Variants in DDX46 observed in about 807,000 individuals in gnomAD.
The protein encoded by DDX46 is DEAD-box helicase 46.
Under a neutral mutation model 134.9 loss-of-function variants are expected in DDX46, and 30 were observed. The ratio of observed to expected loss-of-function variants is 0.22; its 90% confidence interval spans 0.17 to 0.30. The LOEUF (loss-of-function observed/expected upper bound fraction) is 0.30, where lower values mean the gene tolerates loss of function less well. Ranked by LOEUF, DDX46 falls within the 10% of genes least tolerant of loss-of-function variation. The probability of loss-of-function intolerance (pLI) is 1.00; values close to 1 mark genes in which losing one functional copy is unlikely to be tolerated. For synonymous variants in DDX46, 415 were observed against 404.1 expected (o/e 1.03, Z -0.32); for missense variants, 622 against 1,248.7 (o/e 0.50, Z 7.56).
intron 21 of DDX46, among the ~76,000 whole-genome samples, chr5:134,823,713 A>G (rs1755518483): frequency 1.3e-5 from 2 of 152,286 alleles, no homozygotes; most frequent in Middle Eastern, 3.4e-3. Context: ...TACATAGTGA[A>G]ATGGGGATTG....
rs999502605 is a variant in DDX46, at chr5:134,816,685, C to G, written c.2613+79C>G. On this transcript the variant is annotated intron_variant, in intron 19 of 22. Coordinates refer to ENST00000452510, the MANE Select transcript of DDX46 (RefSeq NM_001300860.2). ...TACTTTTCAGGAATTATGTTGAACA[C>G]AAGTAAACAAGTTGTCCTAGACATT... is the stretch of plus-strand genomic sequence containing the variant. 107 of 1,346,778 alleles carry G rather than the reference C, an allele frequency of 7.9e-5. No individual in the cohort carries two copies. In the South Asian group the frequency reaches 8.4e-4, roughly 11 times the overall value. The allele number at this position is 1,346,778 out of a possible 1,614,324, so 83.4% of individuals were successfully genotyped here.
intron 15 of DDX46, among the ~76,000 whole-genome samples, chr5:134,797,361 CTG>C (rs2150149669): frequency 6.6e-6 from 1 of 152,274 alleles, no homozygotes; most frequent in South Asian, 2.1e-4. Flanking sequence ...TATCTAGTCT[CTG>C]TTTCATGCTG....
intron 8 of DDX46, 99 bp from the exon 9 acceptor site, chr5:134,782,846 C>T: frequency 2.0e-6 from 3 of 1,463,600 alleles, no homozygotes; most frequent in Non-Finnish European, 2.8e-6. Flanking sequence ...CTGGGTCTGG[C>T]ATAAGAGTTA....
intron 21 of DDX46, 48 bp downstream of exon 21, chr5:134,819,052 A>C: frequency 6.3e-7 from 1 of 1,593,112 alleles, no homozygotes; most frequent in Non-Finnish European, 8.5e-7. Flanking sequence ...ATCAAGGTTG[A>C]TGTAGATGTA....
Position 134,818,853 on chromosome 5 carries a change from C to T in DDX46, c.2833-7C>T. On this transcript the variant is annotated splice_region_variant and splice_polypyrimidine_tract_variant and intron_variant, in intron 20 of 22. Transcript: ENST00000452510. ...GTGATTTTTCTTTTCCTTACCTTTT[C>T]TTTTAGACTGCTAGGTGGAAAGTTA... 1 of 1,600,948 alleles carries T rather than the reference C, an allele frequency of 6.2e-7. No homozygotes were observed. Among genetic ancestry groups the T allele is most frequent in the Non-Finnish European group, 8.5e-7 (1 of 1,175,322 alleles).
At position 134,781,977 on chromosome 5, in the gene DDX46, A is replaced by C; in HGVS notation, c.936A>C (p.Thr312=). 6.2e-7 allele frequency: 1 copy of C among 1,611,772 alleles called. No individual in the cohort carries two copies. Among genetic ancestry groups the C allele is most frequent in the South Asian group, 1.1e-5 (1 of 90,720 alleles). ...DLQTALTGYQ[T]KQRKLLEPVD... ...AGACAGCCCTTACAGGGTATCAAACAAAACAGCGAAAGCTTCTAGAACCAG... is the reference window on the plus strand; with the variant it reads ...AGACAGCCCTTACAGGGTATCAAACCAAACAGCGAAAGCTTCTAGAACCAG... Residue 312 remains threonine (T), a synonymous_variant, in exon 8 of 23, where the codon ACA becomes ACC. Transcript: ENST00000452510.
intron 18 of DDX46, among the ~76,000 whole-genome samples, chr5:134,813,791 A>T (rs1050892463): frequency 6.6e-6 from 1 of 151,738 alleles, no homozygotes; most frequent in Non-Finnish European, 1.5e-5. Context: ...TATATATTTT[A>T]AAATGTTTTT....
chr5:134,801,456 T>A (rs930479765), intron 15 of DDX46, among the ~76,000 whole-genome samples: 1 of 152,102 alleles, frequency 6.6e-6, no homozygotes, highest in Non-Finnish European at 1.5e-5. Flanking sequence ...ACAGTGGCAC[T>A]CTCTCAGCTT....
chr5:134,815,781 A>G (rs1051459287), intron 18 of DDX46, among the ~76,000 whole-genome samples: 2 of 151,494 alleles, frequency 1.3e-5, no homozygotes, highest in Non-Finnish European at 2.9e-5. Flanking sequence ...AAAGCAAAGC[A>G]TTCATCATTG....
At chr5:134,811,913 A>C (rs1370341312) in intron 18 of DDX46, 68 bp downstream of exon 18, 1 of 1,539,564 alleles carries the variant, frequency 6.5e-7, no homozygotes, top group African/African-American at 1.4e-5. Context: ...GTCTTGCCAT[A>C]TATGGTTATC....
At chr5:134,806,263 G>A (rs929927364) in intron 15 of DDX46, among the ~76,000 whole-genome samples, 2 of 151,870 alleles carry the variant, frequency 1.3e-5, no homozygotes, top group African/African-American at 4.8e-5. Context: ...AGAAGGGCTG[G>A]TTTACACCAA....
chr5:134,782,837 TG>T, intron 8 of DDX46, 107 bp from the exon 9 acceptor site: 1 of 1,395,244 alleles, frequency 7.2e-7, no homozygotes, highest in East Asian at 2.5e-5. Flanking sequence ...TGTGAGCCGC[TG>T]GGTCTGGCAT....
chr5:134,789,515 A>G (rs1253221694), intron 12 of DDX46, among the ~76,000 whole-genome samples: 1 of 152,136 alleles, frequency 6.6e-6, no homozygotes, highest in Non-Finnish European at 1.5e-5. Context: ...GCAAAGTGAC[A>G]TCGAAATTGA....
chr5:134,829,294 G>T lies in DDX46; in HGVS notation c.*588G>T, dbSNP rs1755673354. On this transcript the variant is annotated 3_prime_UTR_variant, in exon 23 of 23. Transcript: ENST00000452510. The stretch of plus-strand genomic sequence containing the variant: ...TTTTTATACAAGTAAAGATTTAATA[G>T]TATAAGGATTTTTTTGCATTTCTTT... 1 of 152,168 alleles carries T rather than the reference G, an allele frequency of 6.6e-6. No homozygotes were observed. Among genetic ancestry groups the T allele is most frequent in the Non-Finnish European group, 1.5e-5 (1 of 68,028 alleles). 9.4% of individuals were successfully genotyped at this position (152,168 alleles called of 1,614,324 possible).
chr5:134,800,269 A>T (rs1754787372), intron 15 of DDX46, among the ~76,000 whole-genome samples: 1 of 152,040 alleles, frequency 6.6e-6, no homozygotes. Context: ...CTTTAAACAA[A>T]TTTTTTCAAC....
At chr5:134,802,597 A>G (rs537868526) in intron 15 of DDX46, among the ~76,000 whole-genome samples, 1 of 151,236 alleles carries the variant, frequency 6.6e-6, no homozygotes, top group Non-Finnish European at 1.5e-5. Context: ...AATTACAAAT[A>G]TGTTCTCTTT....
chr5:134,831,038 T>C lies in DDX46; in HGVS notation c.*2332T>C, dbSNP rs2150166753. ...ACTGACTTTTAAAATTTGAATGATA[T>C]ATAGACTTTGTTTTTTTAATGCAAT... is the stretch of plus-strand genomic sequence containing the variant. On this transcript the variant is annotated 3_prime_UTR_variant, in exon 23 of 23. Transcript: ENST00000452510. 6.6e-6 allele frequency: 1 copy of C among 152,642 alleles called. No homozygotes were observed. The highest frequency in any genetic ancestry group is 2.1e-4 in the South Asian group (1 of 4,826). The allele number at this position is 152,642 out of a possible 1,614,324, so 9.5% of individuals were successfully genotyped here.
At chr5:134,825,305 A>G (rs12658868) in intron 21 of DDX46, among the ~76,000 whole-genome samples, 16,773 of 152,094 alleles carry the variant, frequency 0.11, 1,224 homozygotes, top group East Asian at 0.29. Context: ...CTTCCCTTCC[A>G]GCACTCACCT....
At chr5:134,777,784 A>G (rs1322272432) in intron 6 of DDX46, 59 bp downstream of exon 6, 3 of 1,545,336 alleles carry the variant, frequency 1.9e-6, no homozygotes, top group Non-Finnish European at 2.6e-6. Context: ...TGAGTTCTCC[A>G]TTGCATTGTC....
Sources: allele counts gnomAD v4.1 joint callset (sites outside exome capture counted in the v4.1 genomes callset), GRCh38; gene constraint gnomAD v4.1.1; transcripts MANE v1.5; gene names NCBI Gene and HGNC (gene_info 2026-07-23, HGNC 2026-07-21).